The following CENPK variants were observed in gnomAD, a reference collection of about 807,000 sequenced individuals.
CENPK encodes SoxLZ/Sox6-binding protein Solt.
A neutral mutation model predicts 40.9 loss-of-function variants in CENPK; 46 were observed. That is an observed-to-expected ratio of 1.13 (90% CI 0.89 to 1.44). The LOEUF (loss-of-function observed/expected upper bound fraction) is 1.44. Among genes scored for constraint, CENPK ranks in the 40% most tolerant of loss-of-function variants. The pLI, the probability that CENPK is intolerant of heterozygous loss-of-function variation, is 0.00. For synonymous variants in CENPK, 107 were observed against 104.4 expected (o/e 1.02, Z -0.15); for missense variants, 288 against 303.5 (o/e 0.95, Z 0.38).
At chr5:65,507,637 G>C in the CENPK span, among the ~76,000 whole-genome samples, 1 of 152,112 alleles carries the variant, frequency 6.6e-6, no homozygotes, top group Admixed American at 6.6e-5. Context: ...CTCCGAGTCA[G>C]TTATCATGAT....
chr5:65,528,916 T>C lies in CENPK; in HGVS notation c.470+3A>G, dbSNP rs1745224949. 1 of 1,469,262 alleles carries C rather than the reference T, an allele frequency of 6.8e-7. No individual in the cohort carries two copies. The highest frequency in any genetic ancestry group is 1.9e-5 in the Admixed American group (1 of 51,882). The allele number at this position is 1,469,262 out of a possible 1,614,324, so 91.0% of individuals were successfully genotyped here. A position where few individuals can be genotyped will look rare whatever the true frequency, so the allele number is the denominator to read the frequency against. The stretch of plus-strand genomic sequence containing the variant: ...TTAAAAACCTAGAACATAAAATTAA[T>C]ACCTTGATTCAGAAAATGTTTCAAC... On this transcript the variant is annotated splice_donor_region_variant and intron_variant, in intron 8 of 10. Coordinates refer to ENST00000396679, the MANE Select transcript of CENPK (RefSeq NM_022145.5).
At chr5:65,537,591 C>T (rs903024085) in intron 6 of CENPK, among the ~76,000 whole-genome samples, 2 of 152,196 alleles carry the variant, frequency 1.3e-5, no homozygotes, top group African/African-American at 4.8e-5. Flanking sequence ...TGAGCCACCA[C>T]GCCCGGCCGG....
chr5:65,543,973 G>A (rs919767127), intron 5 of CENPK, among the ~76,000 whole-genome samples: 12 of 152,148 alleles, frequency 7.9e-5, no homozygotes, highest in African/African-American at 1.9e-4. Flanking sequence ...ATTTTAATGC[G>A]TTCAATCCTT....
intron 9 of CENPK, among the ~76,000 whole-genome samples, chr5:65,521,824 C>T (rs1743824654): frequency 6.6e-6 from 1 of 152,176 alleles, no homozygotes; most frequent in South Asian, 2.1e-4. Context: ...TGGTCTCGAG[C>T]TCCTGACCCT....
chr5:65,520,470 T>G (rs1280824038), intron 10 of CENPK, among the ~76,000 whole-genome samples: 2 of 152,094 alleles, frequency 1.3e-5, no homozygotes, highest in African/African-American at 4.8e-5. Context: ...AAATTATACA[T>G]GTAATACCTT....
chr5:65,502,450 G>A, the CENPK span, among the ~76,000 whole-genome samples: 8 of 152,142 alleles, frequency 5.3e-5, no homozygotes, highest in African/African-American at 9.7e-5. Flanking sequence ...ACAATTAACA[G>A]GAGGAATAGA....
In CENPK at chr5:65,518,004, G is replaced by A. The variant is rs1031647042; in HGVS notation, c.*471C>T. 2 of 151,960 alleles carry A rather than the reference G, an allele frequency of 1.3e-5. No homozygotes were observed. Among genetic ancestry groups the A allele is most frequent in the East Asian group, 1.9e-4 (1 of 5,196 alleles). 9.4% of individuals were successfully genotyped at this position (151,960 alleles called of 1,614,324 possible). A position where few individuals can be genotyped will look rare whatever the true frequency, so the allele number is the denominator to read the frequency against. ...AAGACAGTATATATGAAACAAATTTGCTAAATATTTTTAAATTATGCCACC... is the reference window on the plus strand; with the variant it reads ...AAGACAGTATATATGAAACAAATTTACTAAATATTTTTAAATTATGCCACC... On this transcript the variant is annotated 3_prime_UTR_variant, in exon 11 of 11. Transcript: ENST00000396679.
chr5:65,503,580 T>C, the CENPK span, among the ~76,000 whole-genome samples: 1 of 152,216 alleles, frequency 6.6e-6, no homozygotes, highest in East Asian at 1.9e-4. Context: ...ATTTATAATT[T>C]AAATTGGCAC....
intron 2 of CENPK, 90 bp downstream of exon 2, chr5:65,561,373 G>C: frequency 3.0e-6 from 1 of 332,630 alleles, no homozygotes; most frequent in Non-Finnish European, 6.4e-6. Flanking sequence ...GGAGGGTGAG[G>C]GATAAATATT....
At chr5:65,549,566 G>T (rs1449830707) in intron 5 of CENPK, among the ~76,000 whole-genome samples, 3 of 152,158 alleles carry the variant, frequency 2.0e-5, no homozygotes, top group Non-Finnish European at 4.4e-5. Flanking sequence ...CCACCTTCAA[G>T]TATCTTAGCT....
chr5:65,523,734 A>AC (rs1744175082), intron 9 of CENPK, among the ~76,000 whole-genome samples: 1 of 152,172 alleles, frequency 6.6e-6, no homozygotes. Flanking sequence ...TGCCCAGAAA[A>AC]ATAACATATC....
the CENPK span, among the ~76,000 whole-genome samples, chr5:65,505,285 T>C: frequency 6.6e-6 from 1 of 152,182 alleles, no homozygotes; most frequent in Non-Finnish European, 1.5e-5. Flanking sequence ...CTTAAGTTAC[T>C]ATCCTTTCTC....
At position 65,563,163 on chromosome 5, in the gene CENPK, T is replaced by A. The variant is rs1752348893; in HGVS notation, c.-207A>T. ...CAGGAAGCGCTTGCCAGCCCCGGAC[T>A]TCTGCGCGCGCTGCATGCCCATTGG... is the stretch of plus-strand genomic sequence containing the variant. On this transcript the variant is annotated 5_prime_UTR_variant, in exon 1 of 11. In the 5' UTR this introduces an upstream ATG that the reference lacks. Transcript: ENST00000396679. 22 of 1,076,434 alleles carry A rather than the reference T, an allele frequency of 2.0e-5. No homozygotes were observed. The South Asian group carries it at 3.5e-4, about 17-fold the overall frequency. The allele number at this position is 1,076,434 out of a possible 1,614,324, so 66.7% of individuals were successfully genotyped here.
chr5:65,507,646 A>G, the CENPK span, among the ~76,000 whole-genome samples: 1 of 152,188 alleles, frequency 6.6e-6, no homozygotes, highest in East Asian at 1.9e-4. Context: ...AGTTATCATG[A>G]TACAATTATG....
At chr5:65,536,889 G>A (rs1747011948) in intron 6 of CENPK, among the ~76,000 whole-genome samples, 1 of 152,112 alleles carries the variant, frequency 6.6e-6, no homozygotes, top group Admixed American at 6.5e-5. Context: ...TAAGAGGTAG[G>A]GTCTTTGGGA....
intron 2 of CENPK, among the ~76,000 whole-genome samples, chr5:65,557,069 A>T (rs1004257674): frequency 2.0e-5 from 3 of 152,056 alleles, no homozygotes; most frequent in Admixed American, 1.3e-4. Context: ...TAGAAATGAG[A>T]AGATCTTCAG....
intron 5 of CENPK, chr5:65,550,651 C>T (rs920594366): frequency 2.0e-5 from 3 of 152,014 alleles, no homozygotes; most frequent in South Asian, 4.2e-4. Context: ...AGGCTCGCCA[C>T]AAACTGAATT....
rs777557765 is a variant in CENPK, at chr5:65,523,146, ACTAG to A, written c.598-1622_598-1619del. On this transcript the variant is annotated intron_variant, in intron 9 of 10. Transcript: ENST00000396679. ...CCTATTTTATTTGTCTTAGTTCCTA[ACTAG>A]CTAAGAAATAGTCTTCAATCTGTCA... Among the ~76,000 whole-genome samples, 124 of 152,292 alleles carry A rather than the reference ACTAG, an allele frequency of 8.1e-4. 1 individual carries two copies. The highest frequency in any genetic ancestry group is 5.6e-4 in the Non-Finnish European group (38 of 68,018).
the CENPK span, among the ~76,000 whole-genome samples, chr5:65,506,940 G>C: frequency 1.3e-5 from 2 of 152,094 alleles, no homozygotes; most frequent in African/African-American, 2.4e-5. Flanking sequence ...CTACTAGCTA[G>C]GATGCTTTCA....
Sources: allele counts gnomAD v4.1 joint callset (sites outside exome capture counted in the v4.1 genomes callset), GRCh38; gene constraint gnomAD v4.1.1; transcripts MANE v1.5; gene names NCBI Gene and HGNC (gene_info 2026-07-23, HGNC 2026-07-21).